Variants in ADAM7 observed in about 807,000 individuals in gnomAD.
ADAM7 encodes the protein ADAM metallopeptidase domain 7.
ADAM7 carries 97 observed loss-of-function variants against 102.9 expected under a neutral mutation model. That is an observed-to-expected ratio of 0.94 (90% CI 0.80 to 1.12). The LOEUF is 1.12. Ranked by LOEUF, ADAM7 falls within the 50% of genes most tolerant of loss-of-function variation. The pLI is 0.00. For missense variants in ADAM7, 991 were observed against 908.7 expected (o/e 1.09, Z -1.16); for synonymous variants, 334 against 304.4 (o/e 1.10, Z -1.01).
At chr8:24,486,217 G>A (rs1206737533) in intron 10 of ADAM7, among the ~76,000 whole-genome samples, 1 of 152,054 alleles carries the variant, frequency 6.6e-6, no homozygotes, top group Non-Finnish European at 1.5e-5. Flanking sequence ...ACCAAATTAG[G>A]TATGTTTTAT....
intron 3 of ADAM7, among the ~76,000 whole-genome samples, chr8:24,457,653 G>A (rs913767214): frequency 6.6e-6 from 1 of 152,042 alleles, no homozygotes; most frequent in African/African-American, 2.4e-5. Flanking sequence ...TCTAAAAATT[G>A]TGTCTTTTAA....
chr8:24,459,936 CAA>C (rs991665421), intron 3 of ADAM7, among the ~76,000 whole-genome samples: 1 of 152,054 alleles, frequency 6.6e-6, no homozygotes. Context: ...GCATTTCTCT[CAA>C]GTCTTCATTT....
chr8:24,491,904 TA>T lies in ADAM7; in HGVS notation c.1365del (p.Ala456GlnfsTer65), dbSNP rs761460827. 2.5e-6 allele frequency: 4 copies of T among 1,594,830 alleles called. No homozygotes were observed. The highest frequency in any genetic ancestry group is 2.3e-5 in the East Asian group (1 of 44,340). On this transcript the variant is annotated frameshift_variant and splice_region_variant, in exon 14 of 22. Transcript: ENST00000175238. LOFTEE classifies it high-confidence loss of function. ...AEGECCESCQIKKAGSICRPA... is the reference protein window; with the variant it reads ...AEGECCESCQXKKAGSICRPA... ...AGTCTCTTTGTTTTTCCTCAACAGATAAAAAAAGCAGGGTCCATATGCAGAC... is the reference window on the plus strand; with the variant it reads ...AGTCTCTTTGTTTTTCCTCAACAGATAAAAAAGCAGGGTCCATATGCAGAC...
intron 18 of ADAM7, among the ~76,000 whole-genome samples, chr8:24,500,581 A>G (rs1820724894): frequency 6.6e-6 from 1 of 152,152 alleles, no homozygotes; most frequent in African/African-American, 2.4e-5. Flanking sequence ...AATATAACGG[A>G]ATATTGGGTG....
intron 4 of ADAM7, 105 bp downstream of exon 4, chr8:24,464,065 T>C (rs781280552): frequency 4.1e-6 from 4 of 976,154 alleles, no homozygotes; most frequent in African/African-American, 1.6e-5. Flanking sequence ...AAGTACTACA[T>C]CAGAAATAAG....
At chr8:24,470,307 C>T (rs1443606074) in intron 7 of ADAM7, among the ~76,000 whole-genome samples, 2 of 151,998 alleles carry the variant, frequency 1.3e-5, no homozygotes, top group Non-Finnish European at 2.9e-5. Context: ...AGAAATCATA[C>T]TTAAAATGTT....
intron 6 of ADAM7, 177 bp downstream of exon 6, chr8:24,467,165 C>A: frequency 1.6e-6 from 1 of 624,542 alleles, no homozygotes; most frequent in Non-Finnish European, 2.8e-6. Flanking sequence ...GTGTTTATTT[C>A]ATAGAGTTTG....
intron 17 of ADAM7, among the ~76,000 whole-genome samples, 181 bp from the exon 18 acceptor site, chr8:24,499,997 A>G (rs144696949): frequency 1.6e-3 from 241 of 152,154 alleles, no homozygotes; most frequent in African/African-American, 5.5e-3. Context: ...TGCTTCTTGT[A>G]TTTTGTTTAC....
rs368461387 is a variant in ADAM7, at chr8:24,504,063, T to TAAAATA, written c.2208+2490_2208+2491insATAAAA. On this transcript the variant is annotated intron_variant, in intron 20 of 21. Coordinates refer to ENST00000175238, the MANE Select transcript of ADAM7 (RefSeq NM_003817.4). ...TAAAATAAAATAAAATAAAATAAAA[T>TAAAATA]AAATAAAATAAAAAAACTGAGTGGC... 6.6e-3 allele frequency among the ~76,000 whole-genome samples: 784 copies of TAAAATA among 118,404 alleles called. 8 individuals are homozygous for TAAAATA. Among genetic ancestry groups the TAAAATA allele is most frequent in the African/African-American group, 0.021 (729 of 34,482 alleles). The allele number at this position is 118,404 out of a possible 152,430, so 77.7% of individuals were successfully genotyped here.
In ADAM7 at chr8:24,509,015, T is replaced by C. The variant is rs1025045542; in HGVS notation, c.*469T>C. On this transcript the variant is annotated 3_prime_UTR_variant, in exon 22 of 22. Coordinates refer to ENST00000175238, the MANE Select transcript of ADAM7 (RefSeq NM_003817.4). ...GGTTTAAATGAAAGTCCTGCAGAAA[T>C]GCCAAAGAAGGCAGGGCAGAGCGGC... The C allele has an allele frequency of 4.0e-6, 4 of 991,206 alleles. No individual in the cohort carries two copies. The highest frequency in any genetic ancestry group is 1.7e-5 in the African/African-American group (1 of 57,362). The allele number at this position is 991,206 out of a possible 1,614,324, so 61.4% of individuals were successfully genotyped here.
intron 4 of ADAM7, among the ~76,000 whole-genome samples, chr8:24,464,658 T>C (rs567546577): frequency 4.2e-4 from 64 of 152,118 alleles, no homozygotes; most frequent in Middle Eastern, 3.4e-3. Flanking sequence ...TGGAGCGCAG[T>C]GGTGCAATCT....
chr8:24,451,153 T>C (rs1340803658), intron 3 of ADAM7, among the ~76,000 whole-genome samples: 1 of 151,998 alleles, frequency 6.6e-6, no homozygotes, highest in East Asian at 1.9e-4. Context: ...ATCAGAATGA[T>C]GCTGGCCTCA....
chr8:24,460,313 GGAATGTTAACATTAACATT>G (rs1819194074), intron 3 of ADAM7, among the ~76,000 whole-genome samples: 1 of 151,782 alleles, frequency 6.6e-6, no homozygotes, highest in African/African-American at 2.4e-5. Context: ...ATTTTTAATA[GGAATGTTAACATTAACATT>G]GAATGTTAAT....
chr8:24,468,209 G>T (rs1285246489), intron 6 of ADAM7, among the ~76,000 whole-genome samples: 1 of 151,934 alleles, frequency 6.6e-6, no homozygotes, highest in Non-Finnish European at 1.5e-5. Flanking sequence ...CAGTCCTGTT[G>T]GTCCACACTA....
At chr8:24,507,617 A>C in intron 21 of ADAM7, 82 bp downstream of exon 21, 1 of 1,193,294 alleles carries the variant, frequency 8.4e-7, no homozygotes, top group South Asian at 1.2e-5. Flanking sequence ...CAACTCATTG[A>C]TTTACTGGGG....
chr8:24,475,675 G>A (rs1819745165), intron 7 of ADAM7, among the ~76,000 whole-genome samples: 1 of 151,900 alleles, frequency 6.6e-6, no homozygotes, highest in South Asian at 2.1e-4. Flanking sequence ...GCAATGGCAT[G>A]GTAACAAGCA....
chr8:24,454,277 C>A (rs572851129), intron 3 of ADAM7, among the ~76,000 whole-genome samples: 7 of 152,144 alleles, frequency 4.6e-5, no homozygotes, highest in South Asian at 4.1e-4. Flanking sequence ...AGAGGCAGGC[C>A]GGTCTCCTTG....
chr8:24,455,622 T>G (rs1269266894), intron 3 of ADAM7, among the ~76,000 whole-genome samples: 4 of 152,202 alleles, frequency 2.6e-5, no homozygotes, highest in Admixed American at 2.0e-4. Context: ...TCCAGGCTGG[T>G]CTGAAACTCT....
At chr8:24,492,632 C>CT in intron 15 of ADAM7, 35 bp downstream of exon 15, 1 of 1,487,452 alleles carries the variant, frequency 6.7e-7, no homozygotes, top group Non-Finnish European at 9.3e-7. Context: ...AATTTGCCTT[C>CT]TTACAGCACT....
Sources: allele counts gnomAD v4.1 joint callset (sites outside exome capture counted in the v4.1 genomes callset), GRCh38; gene constraint gnomAD v4.1.1; transcripts MANE v1.5; gene names NCBI Gene and HGNC (gene_info 2026-07-23, HGNC 2026-07-21).